ARHGEF4: variants seen among roughly 807,000 people sequenced by gnomAD.
ARHGEF4 encodes Rho guanine nucleotide exchange factor 4.
A neutral mutation model predicts 162.0 loss-of-function variants in ARHGEF4; 119 were observed. That is an observed-to-expected ratio of 0.73 (90% CI 0.63 to 0.86). The LOEUF is 0.86. Among genes scored for constraint, ARHGEF4 ranks in the 40% least tolerant of loss-of-function variants. ARHGEF4 has a pLI of 0.00. For synonymous variants in ARHGEF4, 1,014 were observed against 979.9 expected (o/e 1.03, Z -0.65); for missense variants, 2,488 against 2,456.0 (o/e 1.01, Z -0.28).
chr2:131,029,551 C>CTTTTTT (rs70994734), intron 5 of ARHGEF4, among the ~76,000 whole-genome samples: 2 of 141,052 alleles, frequency 1.4e-5, no homozygotes, highest in African/African-American at 5.3e-5. Flanking sequence ...TGTGCTTTTC[C>CTTTTTT]TTTTTTTTTT....
At chr2:130,937,448 GT>G (rs952271590) in intron 3 of ARHGEF4, among the ~76,000 whole-genome samples, 1 of 151,764 alleles carries the variant, frequency 6.6e-6, no homozygotes, top group Admixed American at 6.6e-5. Flanking sequence ...ACTTTTACCT[GT>G]TTTTTTAATA....
In ARHGEF4 at chr2:130,915,959, C is replaced by T. The variant is rs143866061; in HGVS notation, c.2013C>T (p.Gly671=). ...GACCAGAATCTCCCTTGAGCACTGG[C>T]GAGACCCCCTGTGAGTCTCCCACTA... is the stretch of plus-strand genomic sequence containing the variant. ...KERPESPLST[G]ETPCESPTRG... The change falls in exon 2 of 14, where the codon GGC becomes GGT. Residue 671 remains glycine, a synonymous_variant. Transcript: ENST00000409359. 1.3e-6 allele frequency: 2 copies of T among 1,550,534 alleles called. No individual in the cohort carries two copies. The highest frequency in any genetic ancestry group is 1.7e-6 in the Non-Finnish European group (2 of 1,146,976).
intron 1 of ARHGEF4, among the ~76,000 whole-genome samples, chr2:130,889,441 T>C (rs1461704666): frequency 6.6e-6 from 1 of 152,042 alleles, no homozygotes; most frequent in African/African-American, 2.4e-5. Context: ...TTGCTCTCCT[T>C]CTGTCTGAAA....
In ARHGEF4 at chr2:130,914,456, A is replaced by C; in HGVS notation, c.510A>C (p.Arg170=). Residue 170 remains arginine, a synonymous_variant, in exon 2 of 14, where the codon CGA becomes CGC. Coordinates refer to ENST00000409359, the MANE Select transcript of ARHGEF4 (RefSeq NM_001367493.1). ...GGGACTGCGCGACCAGCCTGGAGCG[A>C]GAGTCTTTGCTGGCAGGGGTTCCCC... is the stretch of plus-strand genomic sequence containing the variant. ...HLWDCATSLE[R]ESLLAGVPRH... The C allele has an allele frequency of 7.0e-7, 1 of 1,433,916 alleles. No homozygotes were observed. The highest frequency in any genetic ancestry group is 1.5e-5 in the South Asian group (1 of 66,208). 88.8% of individuals were successfully genotyped at this position (1,433,916 alleles called of 1,614,324 possible). A position where few individuals can be genotyped will look rare whatever the true frequency, so the allele number is the denominator to read the frequency against.
intron 1 of ARHGEF4, among the ~76,000 whole-genome samples, chr2:130,845,868 A>T (rs1391228584): frequency 6.6e-6 from 1 of 152,244 alleles, no homozygotes; most frequent in Non-Finnish European, 1.5e-5. Flanking sequence ...GTGTGATCCC[A>T]AATGCGAACC....
At chr2:130,909,602 G>A (rs1439820536) in intron 1 of ARHGEF4, among the ~76,000 whole-genome samples, 1 of 152,052 alleles carries the variant, frequency 6.6e-6, no homozygotes, top group South Asian at 2.1e-4. Context: ...AACTTTGACT[G>A]TACACTTGAA....
chr2:130,976,061 G>A (rs774050712), intron 4 of ARHGEF4, among the ~76,000 whole-genome samples: 17 of 152,112 alleles, frequency 1.1e-4, no homozygotes, highest in East Asian at 1.9e-4. Context: ...TCCGAATCCC[G>A]TGTTTACTCT....
At chr2:131,029,800 C>T (rs1219350026) in intron 5 of ARHGEF4, among the ~76,000 whole-genome samples, 1 of 152,100 alleles carries the variant, frequency 6.6e-6, no homozygotes, top group African/African-American at 2.4e-5. Context: ...GTGATCTGCC[C>T]GCCTCAGCCT....
At chr2:130,928,013 T>C (rs905311761) in intron 2 of ARHGEF4, among the ~76,000 whole-genome samples, 13 of 152,202 alleles carry the variant, frequency 8.5e-5, no homozygotes, top group African/African-American at 3.1e-4. Flanking sequence ...CTTCTATCCT[T>C]TACATTTTCT....
chr2:130,917,647 C>A (rs1001061033), intron 2 of ARHGEF4, 149 bp downstream of exon 2: 3 of 1,015,250 alleles, frequency 3.0e-6, no homozygotes, highest in African/African-American at 1.6e-5. Context: ...CCCCCTCCCC[C>A]AGTGAACACA....
chr2:131,022,738 G>A (rs1303182038), intron 4 of ARHGEF4, among the ~76,000 whole-genome samples: 2 of 150,678 alleles, frequency 1.3e-5, no homozygotes, highest in East Asian at 3.9e-4. Flanking sequence ...AACATTAAGA[G>A]AAAATCCTTG....
rs954377328 is a variant in ARHGEF4 at position 131,035,403 on chromosome 2, G to C, written c.4126-3450G>C. 7.4e-6 allele frequency: 6 copies of C among 806,310 alleles called. No homozygotes were observed. In the Admixed American group the frequency reaches 2.4e-4, roughly 32 times the overall value. The allele number at this position is 806,310 out of a possible 1,614,324, so 49.9% of individuals were successfully genotyped here. A position where few individuals can be genotyped will look rare whatever the true frequency, so the allele number is the denominator to read the frequency against. ...CTCACTACCAGGGCCTGGTCCGGGG[G>C]TGTCGCCGAGCGGGTGCCTGAGGGG... On this transcript the variant is annotated intron_variant, in intron 5 of 13. Coordinates refer to ENST00000409359, the MANE Select transcript of ARHGEF4 (RefSeq NM_001367493.1).
Position 131,012,592 on chromosome 2 carries a change from G to A in ARHGEF4, c.3986-15353G>A, listed in dbSNP as rs184593185. On this transcript the variant is annotated intron_variant, in intron 4 of 13. Transcript: ENST00000409359. ...TGTGTGTGTGTTGGGGGGTGGGGGA[G>A]GGGTGTGATACAGAGCCTTGCTCTT... Among the ~76,000 whole-genome samples, 23 of 152,030 alleles carry A rather than the reference G, an allele frequency of 1.5e-4. No homozygotes were observed. The East Asian group carries it at 3.9e-3, about 26-fold the overall frequency.
At chr2:130,926,125 A>G (rs976415238) in intron 2 of ARHGEF4, among the ~76,000 whole-genome samples, 6 of 146,550 alleles carry the variant, frequency 4.1e-5, no homozygotes, top group Admixed American at 7.0e-5. Flanking sequence ...TGTCTCTTCC[A>G]TCTACAAGTT....
intron 2 of ARHGEF4, among the ~76,000 whole-genome samples, chr2:130,930,123 G>A (rs1201726406): frequency 6.6e-6 from 1 of 152,120 alleles, no homozygotes; most frequent in Non-Finnish European, 1.5e-5. Flanking sequence ...TCAATCTCCT[G>A]ACCTCGTGAT....
At chr2:130,871,932 C>A (rs542207376) in intron 1 of ARHGEF4, among the ~76,000 whole-genome samples, 1 of 152,340 alleles carries the variant, frequency 6.6e-6, no homozygotes, top group South Asian at 2.1e-4. Context: ...GTGTGGGAGC[C>A]TATCCAGCGT....
At chr2:130,895,570 A>G (rs1680105684) in intron 1 of ARHGEF4, among the ~76,000 whole-genome samples, 2 of 152,150 alleles carry the variant, frequency 1.3e-5, no homozygotes, top group African/African-American at 4.8e-5. Context: ...TGTGGTTTTC[A>G]TGTATATTTC....
At chr2:131,020,333 T>A (rs1054438942) in intron 4 of ARHGEF4, among the ~76,000 whole-genome samples, 2 of 92,932 alleles carry the variant, frequency 2.2e-5, no homozygotes, top group African/African-American at 8.6e-5. Flanking sequence ...ATGCTATCCC[T>A]CCCCCCTCCC....
chr2:130,998,356 G>A (rs1180632979), intron 4 of ARHGEF4, among the ~76,000 whole-genome samples: 1 of 152,094 alleles, frequency 6.6e-6, no homozygotes, highest in East Asian at 1.9e-4. Context: ...GTTGGTTAGG[G>A]TTCACTTTGT....
Sources: allele counts gnomAD v4.1 joint callset (sites outside exome capture counted in the v4.1 genomes callset), GRCh38; gene constraint gnomAD v4.1.1; transcripts MANE v1.5; gene names NCBI Gene and HGNC (gene_info 2026-07-23, HGNC 2026-07-21).